The following ZNF536 variants were observed in gnomAD, a reference collection of about 807,000 sequenced individuals.
The protein encoded by ZNF536 is zinc finger protein 536.
In ZNF536, 13 loss-of-function variants were observed where a neutral mutation model predicts 84.5. The observed-to-expected ratio is 0.15, with a 90% CI of 0.10 to 0.24. The LOEUF (loss-of-function observed/expected upper bound fraction) is 0.24, where lower values mean the gene tolerates loss of function less well. ZNF536 is among the 10% of genes least tolerant of loss of function. The probability of loss-of-function intolerance (pLI) is 1.00; values close to 1 mark genes in which losing one functional copy is unlikely to be tolerated. For synonymous variants in ZNF536, 811 were observed against 742.5 expected (o/e 1.09, Z -1.50); for missense variants, 1,536 against 1,747.5 (o/e 0.88, Z 2.16).
intron 2 of ZNF536, among the ~76,000 whole-genome samples, chr19:30,478,335 G>A (rs1012546220): frequency 3.3e-5 from 5 of 152,176 alleles, no homozygotes; most frequent in African/African-American, 9.7e-5. Flanking sequence ...CGGGGTTGAG[G>A]AATGCTGTGG....
downstream of ZNF536, among the ~76,000 whole-genome samples, chr19:30,560,018 C>G (rs574358410): frequency 6.6e-6 from 1 of 152,070 alleles, no homozygotes; most frequent in Non-Finnish European, 1.5e-5. Context: ...AGGGCACTCA[C>G]GCCGTACACT....
intron 1 of ZNF536, among the ~76,000 whole-genome samples, chr19:30,678,900 C>T (rs1392775938): frequency 6.6e-6 from 1 of 152,100 alleles, no homozygotes; most frequent in East Asian, 1.9e-4. Flanking sequence ...CAAGATAGTT[C>T]ACTCCAGCCT....
chr19:30,384,104 CTTTCTTTCTTTCTT>C (rs1568377885), intron 1 of ZNF536, among the ~76,000 whole-genome samples: 1,021 of 56,882 alleles, frequency 0.018, 16 homozygotes, highest in Middle Eastern at 0.026. Context: ...CTTTCTCTTT[CTTTCTTTCTTTCTT>C]TCTTTCTTTC....
chr19:30,529,870 G>A (rs548596187), intron 2 of ZNF536, among the ~76,000 whole-genome samples: 8 of 152,250 alleles, frequency 5.3e-5, no homozygotes, highest in Admixed American at 3.3e-4. Context: ...AATATTATTC[G>A]TTGTACCCAT....
chr19:30,596,773 T>C (rs1449149800), intron 1 of ZNF536, among the ~76,000 whole-genome samples: 1 of 151,468 alleles, frequency 6.6e-6, no homozygotes. Context: ...TGTGTGTGTG[T>C]GGGAGGGGGG....
chr19:30,613,948 C>T (rs995894208), intron 1 of ZNF536, among the ~76,000 whole-genome samples: 15 of 152,306 alleles, frequency 9.8e-5, no homozygotes, highest in African/African-American at 2.6e-4. Context: ...CTGCAACCTC[C>T]GCCTCCTGCG....
At chr19:30,395,550 G>A (rs576903106) in intron 1 of ZNF536, among the ~76,000 whole-genome samples, 1 of 152,256 alleles carries the variant, frequency 6.6e-6, no homozygotes, top group South Asian at 2.1e-4. Context: ...GCCTTTTCTG[G>A]GGAGGTTCCA....
At chr19:30,475,652 A>G (rs760037665) in intron 2 of ZNF536, among the ~76,000 whole-genome samples, 22 of 152,142 alleles carry the variant, frequency 1.4e-4, no homozygotes, top group Non-Finnish European at 3.1e-4. Context: ...GTAGGCATGA[A>G]GAAACGGGGG....
intron 1 of ZNF536, among the ~76,000 whole-genome samples, chr19:30,680,185 A>G (rs985784095): frequency 2.0e-5 from 3 of 152,174 alleles, no homozygotes; most frequent in Admixed American, 2.0e-4. Context: ...CCCCATGCAC[A>G]GACCCTGCTG....
intron 1 of ZNF536, among the ~76,000 whole-genome samples, chr19:30,707,916 C>A (rs185646440): frequency 6.7e-6 from 1 of 149,680 alleles, no homozygotes; most frequent in African/African-American, 2.5e-5. Context: ...GAGTCTAAGG[C>A]GGGAGAATCA....
chr19:30,610,682 C>A (rs1421717541), intron 1 of ZNF536, among the ~76,000 whole-genome samples: 1 of 152,124 alleles, frequency 6.6e-6, no homozygotes, highest in Non-Finnish European at 1.5e-5. Flanking sequence ...ACTGGCCACC[C>A]ATTTTGTTTT....
chr19:30,280,890 G>A (rs1425229498), intron 1 of ZNF536, among the ~76,000 whole-genome samples: 1 of 152,176 alleles, frequency 6.6e-6, no homozygotes, highest in Non-Finnish European at 1.5e-5. Flanking sequence ...CTGCTTTGGT[G>A]GACAGAGGGG....
chr19:30,248,201 CTTTCTTTCTTTTTCT>C (rs1200102985), intron 1 of ZNF536, among the ~76,000 whole-genome samples: 1 of 149,754 alleles, frequency 6.7e-6, no homozygotes, highest in African/African-American at 2.5e-5. Flanking sequence ...CTTTTTCTTT[CTTTCTTTCTTTTTCT>C]TTTCTTTCTT....
chr19:30,614,950 T>TTTTG (rs2048232650), intron 1 of ZNF536, among the ~76,000 whole-genome samples: 1 of 57,926 alleles, frequency 1.7e-5, no homozygotes, highest in Non-Finnish European at 3.8e-5. Context: ...CAATTTTTTT[T>TTTTG]TTTTTTTTTT....
At chr19:30,678,182 C>T (rs566513027) in intron 1 of ZNF536, among the ~76,000 whole-genome samples, 65 of 152,152 alleles carry the variant, frequency 4.3e-4, no homozygotes, top group Non-Finnish European at 2.9e-4. Flanking sequence ...CTTCAGGGAC[C>T]GGAGAAGCCT....
chr19:30,712,226 A>G (rs1323396705), exon 2 of ZNF536: 1 of 152,176 alleles, frequency 6.6e-6, no homozygotes, highest in Non-Finnish European at 1.5e-5. Context: ...GGAGATTTTG[A>G]GTGTCAATAA....
At chr19:30,562,877 G>T (rs138591060), downstream of ZNF536, among the ~76,000 whole-genome samples, 1 of 152,104 alleles carries the variant, frequency 6.6e-6, no homozygotes, top group Non-Finnish European at 1.5e-5. Context: ...CTCTGAGCTT[G>T]CAAGCCCGGG....
chr19:30,301,182 C>A (rs897955476), intron 2 of ZNF536, among the ~76,000 whole-genome samples: 1 of 152,160 alleles, frequency 6.6e-6, no homozygotes, highest in Non-Finnish European at 1.5e-5. Flanking sequence ...CTGAGGCTCC[C>A]CTGATCCAGT....
At chr19:30,303,987 G>A (rs900019972) in intron 2 of ZNF536, among the ~76,000 whole-genome samples, 1 of 152,186 alleles carries the variant, frequency 6.6e-6, no homozygotes, top group Non-Finnish European at 1.5e-5. Context: ...GCACCCCTCA[G>A]TCGATGGGGA....
Sources: gnomAD v4.1 joint callset for allele counts (sites outside exome capture counted in the v4.1 genomes callset) on GRCh38, gnomAD v4.1.1 for gene constraint, MANE v1.5 for transcripts, NCBI Gene and HGNC (gene_info 2026-07-23, HGNC 2026-07-21) for gene names.